LCOR: variants seen among roughly 807,000 people sequenced by gnomAD.
The protein encoded by LCOR is ligand-dependent corepressor.
A neutral mutation model predicts 64.4 loss-of-function variants in LCOR; 14 were observed. The ratio of observed to expected loss-of-function variants is 0.22; its 90% CI spans 0.14 to 0.34. The LOEUF is 0.34. LCOR is among the 10% of genes least tolerant of loss of function. The pLI, the probability that LCOR is intolerant of heterozygous loss-of-function variation, is 1.00. For missense variants in LCOR, 1,686 were observed against 1,765.3 expected (o/e 0.96, Z 0.80); for synonymous variants, 643 against 642.5 (o/e 1.00, Z -0.01).
At chr10:96,976,570 A>AC (rs1266079255) in intron 7 of LCOR, among the ~76,000 whole-genome samples, 2 of 152,194 alleles carry the variant, frequency 1.3e-5, no homozygotes, top group Non-Finnish European at 2.9e-5. Context: ...CCTTTGGAAG[A>AC]CCTTACATTA....
chr10:96,966,657 C>A lies in LCOR; in HGVS notation c.333-14136C>A, dbSNP rs955602193. ...TTAAGTAATATAGTAGATAAGAGTT[C>A]TTGTTATATTTCACTTTATTTGCTT... On this transcript the variant is annotated intron_variant, in intron 7 of 7. Transcript: ENST00000421806. Among the ~76,000 whole-genome samples the A allele has an allele frequency of 9.9e-5, 15 of 152,228 alleles. No individual in the cohort carries two copies. The East Asian group carries it at 1.5e-3, about 16-fold the overall frequency.
At chr10:96,894,627 A>G (rs1304011025) in intron 2 of LCOR, among the ~76,000 whole-genome samples, 1 of 152,236 alleles carries the variant, frequency 6.6e-6, no homozygotes, top group East Asian at 1.9e-4. Flanking sequence ...GCTGATTCAA[A>G]CATTGGTACA....
In LCOR at chr10:96,986,991, G is replaced by A. The variant is rs1848154697; in HGVS notation, c.*1857G>A. ...TTTGATTTGTGAGAAATTTAGAATT[G>A]TGTTGAATTTCATAGCTAGAGAAGC... is the stretch of plus-strand genomic sequence containing the variant. On this transcript the variant is annotated 3_prime_UTR_variant, in exon 8 of 8. Coordinates refer to ENST00000421806, the MANE Select transcript of LCOR (RefSeq NM_001346516.2). 6.6e-6 allele frequency: 1 copy of A among 152,194 alleles called. No individual in the cohort carries two copies. The highest frequency in any genetic ancestry group is 1.5e-5 in the Non-Finnish European group (1 of 68,032). The allele number at this position is 152,194 out of a possible 1,614,324, so 9.4% of individuals were successfully genotyped here.
intron 2 of LCOR, among the ~76,000 whole-genome samples, chr10:96,902,619 A>G (rs1301206767): frequency 6.6e-6 from 1 of 152,192 alleles, no homozygotes; most frequent in South Asian, 2.1e-4. Context: ...AATTATTACC[A>G]CAATTACTAT....
chr10:96,853,489 A>G (rs928277156), intron 2 of LCOR, among the ~76,000 whole-genome samples: 3 of 152,362 alleles, frequency 2.0e-5, no homozygotes, highest in Middle Eastern at 3.4e-3. Flanking sequence ...TATAACTAGA[A>G]GCATTTATTG....
At chr10:96,913,709 G>T (rs932547275) in intron 4 of LCOR, among the ~76,000 whole-genome samples, 1 of 152,076 alleles carries the variant, frequency 6.6e-6, no homozygotes, top group African/African-American at 2.4e-5. Context: ...ATCACTTGGG[G>T]CCAGGAGTTT....
chr10:96,935,908 G>T (rs917562716), intron 4 of LCOR, among the ~76,000 whole-genome samples: 4 of 152,216 alleles, frequency 2.6e-5, no homozygotes, highest in African/African-American at 7.2e-5. Context: ...ACACCTAAAG[G>T]TGTTGAAAAT....
rs915317137 is a variant in LCOR at position 96,993,473 on chromosome 10, C to G, written c.*8339C>G. 2.6e-5 allele frequency: 4 copies of G among 152,116 alleles called. No individual in the cohort carries two copies. Among genetic ancestry groups the G allele is most frequent in the African/African-American group, 4.8e-5 (2 of 41,414 alleles). 9.4% of individuals were successfully genotyped at this position (152,116 alleles called of 1,614,324 possible). On this transcript the variant is annotated 3_prime_UTR_variant, in exon 8 of 8. Coordinates refer to ENST00000421806, the MANE Select transcript of LCOR (RefSeq NM_001346516.2). ...TTTGCAGGAAGAAATAAATTTTGCT[C>G]TCGTCTAAATGTTCACAAGAAGTAA... is the stretch of plus-strand genomic sequence containing the variant.
chr10:96,875,399 C>T (rs28439735), intron 2 of LCOR, among the ~76,000 whole-genome samples: 21,823 of 151,668 alleles, frequency 0.14, 2,165 homozygotes, highest in African/African-American at 0.28. Flanking sequence ...AATAATAATA[C>T]CTAGTATAAA....
intron 4 of LCOR, among the ~76,000 whole-genome samples, chr10:96,941,532 C>CG: frequency 9.6e-6 from 1 of 104,440 alleles, no homozygotes; most frequent in Non-Finnish European, 2.0e-5. Flanking sequence ...GCTGGCCGGG[C>CG]GGGGGGCTGA....
At chr10:96,938,588 T>TAA (rs1304984244) in intron 4 of LCOR, among the ~76,000 whole-genome samples, 1 of 152,014 alleles carries the variant, frequency 6.6e-6, no homozygotes, top group Admixed American at 6.5e-5. Context: ...AAAGAAGAGG[T>TAA]AAAACTGTCT....
In LCOR at chr10:96,965,648, C is replaced by T. The variant is rs1401076388; in HGVS notation, c.332+13452C>T. Among the ~76,000 whole-genome samples the T allele has an allele frequency of 1.5e-4, 18 of 117,848 alleles. No individual in the cohort carries two copies. The East Asian group carries it at 3.0e-3, about 20-fold the overall frequency. The allele number at this position is 117,848 out of a possible 152,430, so 77.3% of individuals were successfully genotyped here. The stretch of plus-strand genomic sequence containing the variant: ...CTGCACTCCAGCCTGGGCGACAGAG[C>T]GAGACTCTGTCTCAAAAAAAAAAAA... On this transcript the variant is annotated intron_variant, in intron 7 of 7. Transcript: ENST00000421806.
chr10:96,920,487 C>CAG (rs1847037320), intron 4 of LCOR, among the ~76,000 whole-genome samples: 1 of 75,938 alleles, frequency 1.3e-5, no homozygotes, highest in African/African-American at 4.4e-5. Flanking sequence ...TATGTATATT[C>CAG]ATATATATGT....
intron 2 of LCOR, among the ~76,000 whole-genome samples, chr10:96,875,430 C>CCCTTACTCTCAT (rs1343818153): frequency 6.6e-6 from 1 of 151,810 alleles, no homozygotes. Flanking sequence ...GTTTTTTTCT[C>CCCTTACTCTCAT]CCTTACTCTC....
chr10:96,957,663 A>C (rs1205710958), intron 7 of LCOR: 5 of 985,310 alleles, frequency 5.1e-6, no homozygotes, highest in African/African-American at 1.7e-5. Flanking sequence ...GATATTTCCA[A>C]GGCATAAATT....
intron 2 of LCOR, among the ~76,000 whole-genome samples, chr10:96,874,395 C>T (rs186692498): frequency 4.6e-5 from 7 of 152,276 alleles, no homozygotes; most frequent in African/African-American, 1.7e-4. Flanking sequence ...AGGATAAAAT[C>T]CAGACTCTAA....
At position 96,882,655 on chromosome 10, in the gene LCOR, G is replaced by C. The variant is rs1846282066; in HGVS notation, c.-329-24610G>C. ...ACTATTGGTGTTGTATATTCTATGG[G>C]TTTTGACACGTGTTGACCATTGTAG... On this transcript the variant is annotated intron_variant, in intron 2 of 7. Coordinates refer to ENST00000421806, the MANE Select transcript of LCOR (RefSeq NM_001346516.2). Among the ~76,000 whole-genome samples, 3 of 152,150 alleles carry C rather than the reference G, an allele frequency of 2.0e-5. No homozygotes were observed. The South Asian group carries it at 6.2e-4, about 32-fold the overall frequency.
At chr10:96,855,846 A>G (rs908378707) in intron 2 of LCOR, among the ~76,000 whole-genome samples, 2 of 151,740 alleles carry the variant, frequency 1.3e-5, no homozygotes, top group Non-Finnish European at 2.9e-5. Flanking sequence ...GGTTCAAGCG[A>G]TTCTCCTGCC....
At chr10:96,923,808 CA>C (rs1191067875) in intron 4 of LCOR, among the ~76,000 whole-genome samples, 2 of 152,134 alleles carry the variant, frequency 1.3e-5, no homozygotes, top group African/African-American at 4.8e-5. Context: ...TTCTCTTTAT[CA>C]GGGGTCAGCA....
Sources: gnomAD v4.1 joint callset for allele counts (sites outside exome capture counted in the v4.1 genomes callset) on GRCh38, gnomAD v4.1.1 for gene constraint, MANE v1.5 for transcripts, NCBI Gene and HGNC (gene_info 2026-07-23, HGNC 2026-07-21) for gene names.